SLC9A9: variants seen among roughly 807,000 people sequenced by gnomAD.
SLC9A9 encodes the protein sodium/hydrogen exchanger 9.
Under a neutral mutation model 77.8 loss-of-function variants are expected in SLC9A9, and 62 were observed. The observed-to-expected ratio is 0.80, with a 90% CI of 0.65 to 0.98. The LOEUF is 0.98. SLC9A9 is among the 50% of genes least tolerant of loss of function. SLC9A9 has a pLI of 0.00. For synonymous variants in SLC9A9, 320 were observed against 283.5 expected (o/e 1.13, Z -1.29); for missense variants, 775 against 774.9 (o/e 1.00, Z 0.00).
intron 14 of SLC9A9, among the ~76,000 whole-genome samples, chr3:143,281,384 C>T (rs1428978648): frequency 6.6e-6 from 1 of 152,052 alleles, no homozygotes; most frequent in Non-Finnish European, 1.5e-5. Context: ...AAAAAAAATG[C>T]TGGTTCTGAG....
At chr3:143,451,474 T>C (rs144051906) in intron 12 of SLC9A9, among the ~76,000 whole-genome samples, 2 of 152,300 alleles carry the variant, frequency 1.3e-5, no homozygotes, top group East Asian at 3.9e-4. Context: ...ACAGTTTCAT[T>C]AATGTTTAAA....
Position 143,782,036 on chromosome 3 carries a change from C to A in SLC9A9, c.533+12965G>T, listed in dbSNP as rs140231165. ...AGACCAGAACACTGGACATTTCTCA[C>A]TGTGATGGTTCTAAGTGCTTAACAG... On this transcript the variant is annotated intron_variant, in intron 4 of 15. Coordinates refer to ENST00000316549, the MANE Select transcript of SLC9A9 (RefSeq NM_173653.4). 9.9e-3 allele frequency among the ~76,000 whole-genome samples: 1,510 copies of A among 152,326 alleles called. 26 individuals are homozygous for A. The highest frequency in any genetic ancestry group is 0.034 in the African/African-American group (1,426 of 41,572).
chr3:143,677,168 T>A (rs1932910907), intron 5 of SLC9A9, among the ~76,000 whole-genome samples: 1 of 152,120 alleles, frequency 6.6e-6, no homozygotes, highest in Non-Finnish European at 1.5e-5. Flanking sequence ...AAGGGGAGAC[T>A]GGAAGAAAAA....
intron 12 of SLC9A9, among the ~76,000 whole-genome samples, chr3:143,460,709 C>T (rs2035176096): frequency 6.6e-6 from 1 of 152,046 alleles, no homozygotes; most frequent in African/African-American, 2.4e-5. Flanking sequence ...CAATTTGGCA[C>T]ACAGAAATAA....
chr3:143,538,376 G>C (rs1381079111), intron 9 of SLC9A9, among the ~76,000 whole-genome samples: 5 of 152,138 alleles, frequency 3.3e-5, no homozygotes, highest in Non-Finnish European at 4.4e-5. Context: ...GAATAGTAGT[G>C]TTTTCCCTAG....
intron 12 of SLC9A9, among the ~76,000 whole-genome samples, chr3:143,413,772 A>G (rs1318260210): frequency 1.5e-5 from 2 of 134,658 alleles, no homozygotes; most frequent in Non-Finnish European, 3.1e-5. Context: ...AGAGATCAGT[A>G]TTATTAACTG....
chr3:143,420,003 T>C (rs548163954), intron 12 of SLC9A9, among the ~76,000 whole-genome samples: 62 of 152,340 alleles, frequency 4.1e-4, no homozygotes, highest in African/African-American at 1.5e-3. Context: ...AGTTCACTTT[T>C]AGCAATTTTG....
chr3:143,395,377 G>A (rs991246961), intron 12 of SLC9A9, among the ~76,000 whole-genome samples: 24 of 152,140 alleles, frequency 1.6e-4, no homozygotes, highest in Admixed American at 7.9e-4. Context: ...AATGGTGCTG[G>A]GAAAACTGGC....
At chr3:143,281,731 A>G (rs942635676) in intron 14 of SLC9A9, among the ~76,000 whole-genome samples, 1 of 152,230 alleles carries the variant, frequency 6.6e-6, no homozygotes, top group African/African-American at 2.4e-5. Flanking sequence ...TGCCTTGAGA[A>G]TCCAGACTAC....
chr3:143,321,547 G>T (rs55803173), intron 14 of SLC9A9, among the ~76,000 whole-genome samples: 4,090 of 152,164 alleles, frequency 0.027, 189 homozygotes, highest in African/African-American at 0.094. Flanking sequence ...TCATTTTGAG[G>T]CTTTGTGTTC....
chr3:143,726,251 G>GAAAAAAAAAAAAAAA (rs3055626), intron 4 of SLC9A9, among the ~76,000 whole-genome samples: 19 of 136,848 alleles, frequency 1.4e-4, no homozygotes, highest in East Asian at 6.4e-4. Flanking sequence ...AATAAAAAAA[G>GAAAAAAAAAAAAAAA]AAAAAAAAAA....
In SLC9A9 at chr3:143,693,271, A is replaced by G. The variant is rs200517673; in HGVS notation, c.570T>C (p.His190=). 6.1e-5 allele frequency: 99 copies of G among 1,613,434 alleles called. No individual in the cohort carries two copies. In the East Asian group the frequency reaches 1.2e-3, roughly 20 times the overall value. Residue 190 remains histidine, a synonymous_variant, in exon 5 of 16, where the codon CAT becomes CAC. Transcript: ENST00000316549. ...AGTCTCCATTTTTCAGCTGGCCAGC[A>G]TGTATCATAGCCTTCACAAAACCAT... is the stretch of plus-strand genomic sequence containing the variant. ...IMYGFVKAMI[H]AGQLKNGDFH...
At chr3:143,277,120 AG>A (rs1214916156) in intron 14 of SLC9A9, among the ~76,000 whole-genome samples, 1 of 152,206 alleles carries the variant, frequency 6.6e-6, no homozygotes, top group Non-Finnish European at 1.5e-5. Flanking sequence ...GAAAAGTTAA[AG>A]GAAAGAAAGT....
At chr3:143,588,730 T>G (rs1454465709) in intron 6 of SLC9A9, among the ~76,000 whole-genome samples, 3 of 152,260 alleles carry the variant, frequency 2.0e-5, no homozygotes, top group Non-Finnish European at 2.9e-5. Context: ...GAGATAGTCC[T>G]AAAGATAAAA....
chr3:143,683,159 C>A (rs561309758), intron 5 of SLC9A9, among the ~76,000 whole-genome samples: 15 of 152,166 alleles, frequency 9.9e-5, no homozygotes, highest in Non-Finnish European at 1.8e-4. Context: ...GCGATAAGTT[C>A]TGTACATTCC....
chr3:143,366,868 A>G (rs1267202884), intron 13 of SLC9A9, among the ~76,000 whole-genome samples: 2 of 152,188 alleles, frequency 1.3e-5, no homozygotes, highest in East Asian at 3.9e-4. Flanking sequence ...CAAAAGGGGA[A>G]GTTAGAGCAA....
intron 4 of SLC9A9, among the ~76,000 whole-genome samples, chr3:143,745,630 T>C (rs1025622645): frequency 6.6e-6 from 1 of 152,192 alleles, no homozygotes; most frequent in South Asian, 2.1e-4. Flanking sequence ...TGTGTATTTT[T>C]TGGAAATTCT....
At chr3:143,336,243 T>C (rs2031919035) in intron 14 of SLC9A9, among the ~76,000 whole-genome samples, 1 of 152,074 alleles carries the variant, frequency 6.6e-6, no homozygotes, top group Non-Finnish European at 1.5e-5. Context: ...AGAAAATAAG[T>C]GTTGATGAGG....
intron 5 of SLC9A9, among the ~76,000 whole-genome samples, chr3:143,686,819 A>T (rs895062202): frequency 6.6e-6 from 1 of 152,174 alleles, no homozygotes; most frequent in African/African-American, 2.4e-5. Context: ...GAGCTGTTAA[A>T]CGAATCATCT....
Sources: allele counts gnomAD v4.1 joint callset (sites outside exome capture counted in the v4.1 genomes callset), GRCh38; gene constraint gnomAD v4.1.1; transcripts MANE v1.5; gene names NCBI Gene and HGNC (gene_info 2026-07-23, HGNC 2026-07-21).